Variants in EPHA6 observed in about 807,000 individuals in gnomAD.
EPHA6 encodes EPH receptor A6, also known as ephrin type-A receptor 6.
EPHA6 carries 50 observed loss-of-function variants against 112.0 expected under a neutral mutation model. That is an observed-to-expected ratio of 0.45 (90% CI 0.36 to 0.56). The LOEUF (loss-of-function observed/expected upper bound fraction) is 0.56, where lower values mean the gene tolerates loss of function less well. Among genes scored for constraint, EPHA6 ranks in the 20% least tolerant of loss-of-function variants. The pLI, the probability that EPHA6 is intolerant of heterozygous loss-of-function variation, is 0.00. For synonymous variants in EPHA6, 529 were observed against 490.7 expected, an observed-to-expected ratio of 1.08 and a Z score of -1.03; for missense variants, 1,280 against 1,417.4, an observed-to-expected ratio of 0.90 and a Z score of 1.56.
At chr3:96,919,224 A>G (rs2039637823) in intron 2 of EPHA6, among the ~76,000 whole-genome samples, 1 of 151,926 alleles carries the variant, frequency 6.6e-6, no homozygotes, top group South Asian at 2.1e-4. Context: ...ATCAAGAGTA[A>G]TAATTAGATC....
intron 3 of EPHA6, among the ~76,000 whole-genome samples, chr3:97,162,545 A>G (rs1488790769): frequency 6.6e-6 from 1 of 152,182 alleles, no homozygotes; most frequent in Non-Finnish European, 1.5e-5. Flanking sequence ...TGGAATTAGT[A>G]TCAATTCAAA....
At chr3:97,394,648 C>A (rs1216223798) in intron 5 of EPHA6, among the ~76,000 whole-genome samples, 1 of 151,666 alleles carries the variant, frequency 6.6e-6, no homozygotes, top group Non-Finnish European at 1.5e-5. Context: ...AGAAGACATA[C>A]AAATAGCCAA....
At chr3:97,728,630 A>G (rs2034889998) in intron 15 of EPHA6, among the ~76,000 whole-genome samples, 1 of 152,130 alleles carries the variant, frequency 6.6e-6, no homozygotes, top group African/African-American at 2.4e-5. Flanking sequence ...CTTTGGTTTC[A>G]ATGACCAGAA....
rs375352444 is a variant in EPHA6, at chr3:96,987,570, G to A, written c.691G>A (p.Gly231Arg). 6.3e-5 allele frequency: 102 copies of A among 1,613,758 alleles called. No individual in the cohort carries two copies. Among genetic ancestry groups the A allele is most frequent in the Non-Finnish European group, 8.2e-5 (97 of 1,179,872 alleles). Residue 231 changes from glycine to arginine, a missense_variant, in exon 3 of 18, where the codon GGA becomes AGA. Physicochemically the swap from Gly to Arg is moderately radical, Grantham distance 125. This residue lies in a region of EPHA6 where 878 missense variants were observed against 999.7 expected (regional missense o/e 0.88). Coordinates refer to ENST00000389672, the MANE Select transcript of EPHA6 (RefSeq NM_001080448.3). The part of the protein sequence containing the change: ...LFYMESDESH[G>R]IKFKPNQYTK... ...TTATATGGAATCAGATGAGTCCCAC[G>A]GAATTAAATTCAAGCCAAACCAGTA...
At chr3:97,068,808 C>T (rs983823361) in intron 3 of EPHA6, among the ~76,000 whole-genome samples, 24 of 151,990 alleles carry the variant, frequency 1.6e-4, no homozygotes, top group African/African-American at 5.6e-4. Context: ...CTCTTTCTAC[C>T]GTCTGTGGAC....
At chr3:97,067,030 G>A (rs1488525987) in intron 3 of EPHA6, among the ~76,000 whole-genome samples, 1 of 152,118 alleles carries the variant, frequency 6.6e-6, no homozygotes, top group Non-Finnish European at 1.5e-5. Flanking sequence ...GGTATTTAAT[G>A]TAATGTGGTT....
intron 3 of EPHA6, among the ~76,000 whole-genome samples, chr3:97,073,548 T>C (rs1339711662): frequency 6.6e-6 from 1 of 152,124 alleles, no homozygotes; most frequent in African/African-American, 2.4e-5. Context: ...ATAATTTATG[T>C]TAATACTGTG....
At chr3:97,692,540 G>A (rs906201509) in intron 14 of EPHA6, among the ~76,000 whole-genome samples, 5 of 152,094 alleles carry the variant, frequency 3.3e-5, no homozygotes, top group African/African-American at 7.2e-5. Context: ...CTTCAGCGCC[G>A]AATCCTCAGC....
rs2078728490 is a variant in EPHA6, at chr3:97,237,921, C to A, written c.1271-6031C>A. 2.6e-5 allele frequency among the ~76,000 whole-genome samples: 4 copies of A among 151,906 alleles called. No individual in the cohort carries two copies. In the South Asian group the frequency reaches 8.3e-4, roughly 31 times the overall value. On this transcript the variant is annotated intron_variant, in intron 4 of 17. Coordinates refer to ENST00000389672, the MANE Select transcript of EPHA6 (RefSeq NM_001080448.3). ...ATTATTTTATTTATATTTAAGTGCT[C>A]TTTTTCTCATTTGTGTGATTATGTT...
intron 5 of EPHA6, among the ~76,000 whole-genome samples, chr3:97,365,176 T>G (rs1054772158): frequency 3.3e-5 from 5 of 152,202 alleles, no homozygotes; most frequent in Non-Finnish European, 7.3e-5. Context: ...GCTATTATCA[T>G]AATCATATTC....
chr3:96,928,806 A>T, intron 2 of EPHA6, among the ~76,000 whole-genome samples: 1 of 152,082 alleles, frequency 6.6e-6, no homozygotes, highest in East Asian at 1.9e-4. Flanking sequence ...GTGCTCCTCT[A>T]TTGGGTGCAT....
chr3:97,111,821 A>G (rs980647461), intron 3 of EPHA6, among the ~76,000 whole-genome samples: 2 of 152,150 alleles, frequency 1.3e-5, no homozygotes, highest in Admixed American at 1.3e-4. Flanking sequence ...CACTGAAGCA[A>G]TTAAAGCCCT....
chr3:97,244,525 T>C (rs2078932987), intron 5 of EPHA6: 1 of 504,970 alleles, frequency 2.0e-6, no homozygotes. Flanking sequence ...TATGTACTCA[T>C]GTATTTTGTA....
chr3:97,485,557 A>T (rs73851917), intron 10 of EPHA6, among the ~76,000 whole-genome samples: 6,979 of 152,228 alleles, frequency 0.046, 462 homozygotes, highest in African/African-American at 0.15. Flanking sequence ...TCTCCCTCTG[A>T]AAGCTGCCAC....
intron 3 of EPHA6, chr3:96,994,331 T>A (rs1447106506): frequency 4.1e-6 from 1 of 244,176 alleles, no homozygotes; most frequent in Non-Finnish European, 8.5e-6. Flanking sequence ...ACTGTCATAT[T>A]GGACATGTTG....
chr3:97,102,218 C>T (rs2047424891), intron 3 of EPHA6, among the ~76,000 whole-genome samples: 1 of 152,042 alleles, frequency 6.6e-6, no homozygotes, highest in Non-Finnish European at 1.5e-5. Context: ...TTTCTTCCAA[C>T]CATCCTCAGG....
intron 16 of EPHA6, among the ~76,000 whole-genome samples, chr3:97,740,417 A>G (rs1193016577): frequency 6.6e-6 from 1 of 152,164 alleles, no homozygotes. Flanking sequence ...GACGGGCAGC[A>G]GTTGTCCAGA....
chr3:97,679,686 G>A (rs1321471847), intron 14 of EPHA6, among the ~76,000 whole-genome samples: 1 of 152,066 alleles, frequency 6.6e-6, no homozygotes, highest in Non-Finnish European at 1.5e-5. Context: ...TGAATAAATG[G>A]AAACCTGTGG....
At chr3:97,566,018 CAA>C (rs59606297) in intron 11 of EPHA6, among the ~76,000 whole-genome samples, 15 of 81,682 alleles carry the variant, frequency 1.8e-4, no homozygotes, top group Non-Finnish European at 2.5e-4. Flanking sequence ...GACACCGTCT[CAA>C]AAAAAAAAAA....
Sources: gnomAD v4.1 joint callset for allele counts (sites outside exome capture counted in the v4.1 genomes callset) on GRCh38, gnomAD v4.1.1 for gene constraint, gnomAD v4.1.1 regional missense constraint, MANE v1.5 for transcripts, NCBI Gene and HGNC (gene_info 2026-07-23, HGNC 2026-07-21) for gene names.